Variants in ALS2 observed in about 807,000 individuals in gnomAD.
The protein encoded by ALS2 is alsin.
ALS2 carries 117 observed loss-of-function variants against 203.4 expected under a neutral mutation model. The observed-to-expected ratio is 0.58, with a 90% CI of 0.50 to 0.67. The LOEUF (loss-of-function observed/expected upper bound fraction) is 0.67. ALS2 is among the 30% of genes least tolerant of loss of function. The pLI is 0.00. For synonymous variants in ALS2, 718 were observed against 725.9 expected (o/e 0.99, Z 0.17); for missense variants, 1,715 against 1,989.4 (o/e 0.86, Z 2.62).
intron 1 of ALS2, among the ~76,000 whole-genome samples, chr2:201,775,489 C>A (rs1694617175): frequency 6.6e-6 from 1 of 152,162 alleles, no homozygotes; most frequent in South Asian, 2.1e-4. Context: ...GAGGCTAGGT[C>A]AATGTTTACA....
At chr2:201,732,719 A>G (rs1691651637) in intron 13 of ALS2, among the ~76,000 whole-genome samples, 1 of 152,242 alleles carries the variant, frequency 6.6e-6, no homozygotes, top group South Asian at 2.1e-4. Context: ...CAGTTTTAAC[A>G]TACATCTATA....
chr2:201,766,088 T>C (rs1442233866), intron 3 of ALS2, among the ~76,000 whole-genome samples: 2 of 152,192 alleles, frequency 1.3e-5, no homozygotes, highest in Non-Finnish European at 2.9e-5. Flanking sequence ...TGGGGCTTAG[T>C]ATAGTGTCTG....
At chr2:201,751,155 C>T (rs1693024386) in intron 7 of ALS2, among the ~76,000 whole-genome samples, 1 of 152,030 alleles carries the variant, frequency 6.6e-6, no homozygotes, top group South Asian at 2.1e-4. Flanking sequence ...ACTCAGCCTC[C>T]AATTCTTTAA....
intron 1 of ALS2, among the ~76,000 whole-genome samples, chr2:201,775,131 T>C (rs1165945578): frequency 6.6e-6 from 1 of 152,170 alleles, no homozygotes; most frequent in Non-Finnish European, 1.5e-5. Context: ...GACATTCAGA[T>C]AGAAAGGCAA....
At chr2:201,739,035 T>C (rs1692074023) in intron 11 of ALS2, among the ~76,000 whole-genome samples, 1 of 151,648 alleles carries the variant, frequency 6.6e-6, no homozygotes, top group African/African-American at 2.4e-5. Context: ...GCCTAGGAGT[T>C]TGAGATCAGC....
At chr2:201,741,013 T>G (rs189160184) in intron 11 of ALS2, among the ~76,000 whole-genome samples, 117 of 152,284 alleles carry the variant, frequency 7.7e-4, no homozygotes, top group African/African-American at 2.8e-3. Context: ...GAACAAAACC[T>G]ATACATACTT....
At chr2:201,744,643 G>A (rs1367755955) in intron 9 of ALS2, among the ~76,000 whole-genome samples, 1 of 151,986 alleles carries the variant, frequency 6.6e-6, no homozygotes, top group Non-Finnish European at 1.5e-5. Context: ...GGGGTCGTCG[G>A]GGTCGCTTTT....
At chr2:201,725,604 G>A in intron 19 of ALS2, 150 bp from the exon 20 acceptor site, 4 of 741,980 alleles carry the variant, frequency 5.4e-6, no homozygotes, top group South Asian at 4.4e-5. Flanking sequence ...TTGGTTTAAG[G>A]TGAATCTATA....
chr2:201,738,559 G>T, intron 12 of ALS2, 111 bp downstream of exon 12: 1 of 1,033,376 alleles, frequency 9.7e-7, no homozygotes, highest in Non-Finnish European at 1.5e-6. Context: ...ATTTTGACTT[G>T]TTTGGTAAAA....
intron 25 of ALS2, among the ~76,000 whole-genome samples, chr2:201,713,686 T>C (rs1294927557): frequency 6.6e-6 from 1 of 152,248 alleles, no homozygotes; most frequent in Non-Finnish European, 1.5e-5. Context: ...TTCTGTTTCT[T>C]TGCTGATACA....
chr2:201,749,081 T>C (rs1314793736), intron 8 of ALS2, among the ~76,000 whole-genome samples: 1 of 152,140 alleles, frequency 6.6e-6, no homozygotes, highest in African/African-American at 2.4e-5. Context: ...GTACAATTGA[T>C]GAGAATTTGG....
intron 12 of ALS2, among the ~76,000 whole-genome samples, chr2:201,736,283 G>A (rs1691871212): frequency 6.6e-6 from 1 of 152,026 alleles, no homozygotes; most frequent in African/African-American, 2.4e-5. Context: ...TAAGGTTAAA[G>A]ACATATTCTT....
chr2:201,766,898 C>T (rs991194890), intron 3 of ALS2, among the ~76,000 whole-genome samples: 2 of 145,168 alleles, frequency 1.4e-5, no homozygotes, highest in Non-Finnish European at 3.0e-5. Flanking sequence ...AAAACGAGAA[C>T]ACATGGACAC....
chr2:201,775,349 C>T (rs191717556), intron 1 of ALS2, among the ~76,000 whole-genome samples: 19 of 152,096 alleles, frequency 1.2e-4, no homozygotes, highest in Admixed American at 1.2e-3. Context: ...TCATTAACAC[C>T]TCCTTTTTAA....
At chr2:201,746,427 G>A (rs766639883) in intron 9 of ALS2, 139 bp downstream of exon 9, 32 of 921,014 alleles carry the variant, frequency 3.5e-5, no homozygotes, top group Admixed American at 1.0e-4. Context: ...AGTGAAGGGG[G>A]CTTGAAAGGA....
At chr2:201,715,579 T>C in intron 25 of ALS2, 93 bp downstream of exon 25, 3 of 1,473,122 alleles carry the variant, frequency 2.0e-6, no homozygotes, top group Non-Finnish European at 2.8e-6. Flanking sequence ...TCATTAACTT[T>C]TAAATTAAAT....
chr2:201,775,207 G>C (rs1266745723), intron 1 of ALS2, among the ~76,000 whole-genome samples: 1 of 152,100 alleles, frequency 6.6e-6, no homozygotes, highest in Non-Finnish European at 1.5e-5. Context: ...TGAGTGACTT[G>C]GATACAAAAT....
At position 201,728,251 on chromosome 2, in the gene ALS2, C is replaced by T. The variant is rs11693071; in HGVS notation, c.2841+261G>A. Among the ~76,000 whole-genome samples the T allele has an allele frequency of 0.12, 18,047 of 152,106 alleles. 1,230 individuals are homozygous for T. The highest frequency in any genetic ancestry group is 0.28 in the South Asian group (1,342 of 4,802). On this transcript the variant is annotated intron_variant, in intron 15 of 33. Coordinates refer to ENST00000264276, the MANE Select transcript of ALS2 (RefSeq NM_020919.4). ...CTAATGCTATCCCTCCCTCCTCCCC[C>T]GACCCCACGACAGGCCCCGGTGTGT...
intron 23 of ALS2, 84 bp from the exon 24 acceptor site, chr2:201,718,294 C>T (rs1559041830): frequency 1.4e-6 from 2 of 1,478,904 alleles, no homozygotes; most frequent in Non-Finnish European, 1.9e-6. Flanking sequence ...GAGTCTCACT[C>T]TGTTGCCCAG....
Sources: gnomAD v4.1 joint callset for allele counts (sites outside exome capture counted in the v4.1 genomes callset) on GRCh38, gnomAD v4.1.1 for gene constraint, MANE v1.5 for transcripts, NCBI Gene and HGNC (gene_info 2026-07-23, HGNC 2026-07-21) for gene names.